ZMYND8: variants seen among roughly 807,000 people sequenced by gnomAD.
ZMYND8 encodes zinc finger MYND-type containing 8, also known as MYND-type zinc finger-containing chromatin reader ZMYND8.
Under a neutral mutation model 140.8 loss-of-function variants are expected in ZMYND8, and 37 were observed. That is an observed-to-expected ratio of 0.26 (90% CI 0.20 to 0.35). The LOEUF is 0.35. Among genes scored for constraint, ZMYND8 ranks in the 10% least tolerant of loss-of-function variants. ZMYND8 has a pLI of 1.00. For synonymous variants in ZMYND8, 592 were observed against 597.1 expected (o/e 0.99, Z 0.12); for missense variants, 1,068 against 1,570.0 (o/e 0.68, Z 5.40).
chr20:47,213,600 T>C (rs1328590282), intron 21 of ZMYND8, among the ~76,000 whole-genome samples: 1 of 152,074 alleles, frequency 6.6e-6, no homozygotes, highest in Non-Finnish European at 1.5e-5. Context: ...ACAGGACAGG[T>C]GGGAAGCCTG....
intron 2 of ZMYND8, among the ~76,000 whole-genome samples, chr20:47,334,835 C>T (rs939961105): frequency 2.6e-5 from 4 of 151,840 alleles, no homozygotes; most frequent in Non-Finnish European, 4.4e-5. Context: ...GGTCGGAACT[C>T]CTGACCTCAG....
rs144734088 is a variant in ZMYND8, at chr20:47,246,231, G to A, written c.2061C>T (p.Ala687=). The stretch of plus-strand genomic sequence containing the variant: ...AAAAGTCCTTCTCAGGCTCAGGGCT[G>A]GCCTTGTCCTTGACTGCTCCAGGGT... ...KADPGAVKDK[A]SPEPEKDFSE... The change falls in exon 14 of 23, where the codon GCC becomes GCT. Residue 687 remains alanine (A), a synonymous_variant. Coordinates refer to ENST00000471951, the MANE Select transcript of ZMYND8 (RefSeq NM_001281775.3). The A allele has an allele frequency of 8.1e-6, 13 of 1,614,056 alleles. No homozygotes were observed. In the African/African-American group the frequency reaches 1.6e-4, roughly 20 times the overall value.
chr20:47,301,994 G>A (rs1407522669), intron 3 of ZMYND8, among the ~76,000 whole-genome samples: 1 of 81,816 alleles, frequency 1.2e-5, no homozygotes, highest in Non-Finnish European at 2.2e-5. Flanking sequence ...TCTCCTCGAA[G>A]CAGCCATGTG....
At chr20:47,238,510 CT>C in intron 15 of ZMYND8, 2 of 629,770 alleles carry the variant, frequency 3.2e-6, no homozygotes, top group South Asian at 1.9e-5. Context: ...TTTCTGCCCC[CT>C]TTTTAAGGAG....
At chr20:47,353,658 T>A (rs141088331) in intron 1 of ZMYND8, 2 of 152,358 alleles carry the variant, frequency 1.3e-5, no homozygotes, top group African/African-American at 4.8e-5. Context: ...CTTCAGTGTG[T>A]CTGTGTTTGC....
intron 6 of ZMYND8, among the ~76,000 whole-genome samples, chr20:47,290,614 G>T (rs2077200058): frequency 1.6e-5 from 2 of 124,342 alleles, no homozygotes; most frequent in African/African-American, 3.0e-5. Flanking sequence ...TTTTGGAGGT[G>T]GAGTTTTGCT....
At position 47,249,374 on chromosome 20, in the gene ZMYND8, C is replaced by G. The variant is rs77137073; in HGVS notation, c.1687G>C (p.Val563Leu). ...SESVQQQSTP[V>L]PLISPKRQIR... ...TGGCGCTTGGGAGAGATGAGAGGAA[C>G]AGGGGTGGACTGTTGCTGGACCGAC... The change falls in exon 13 of 23, where the codon GTT becomes CTT. Residue 563 changes from valine (V) to leucine (L), a missense_variant. Coordinates refer to ENST00000471951, the MANE Select transcript of ZMYND8 (RefSeq NM_001281775.3). 0.012 allele frequency: 18,956 copies of G among 1,614,132 alleles called. 181 individuals carry two copies. Among genetic ancestry groups the G allele is most frequent in the Middle Eastern group, 0.035 (213 of 6,062 alleles).
intron 1 of ZMYND8, among the ~76,000 whole-genome samples, chr20:47,351,457 C>G (rs2082774962): frequency 6.6e-6 from 1 of 152,170 alleles, no homozygotes; most frequent in African/African-American, 2.4e-5. Flanking sequence ...AGATGAGGAT[C>G]ATCGCACAGC....
intron 3 of ZMYND8, among the ~76,000 whole-genome samples, chr20:47,309,041 T>C (rs6012153): frequency 0.015 from 2,277 of 152,296 alleles, 65 homozygotes; most frequent in South Asian, 0.061. Flanking sequence ...GGGGGATAGA[T>C]ACAATCCACC....
intron 21 of ZMYND8, among the ~76,000 whole-genome samples, chr20:47,216,757 A>G (rs2036187357): frequency 6.6e-6 from 1 of 152,214 alleles, no homozygotes; most frequent in Non-Finnish European, 1.5e-5. Context: ...CAGTGAGCCG[A>G]GATCATGCCA....
intron 17 of ZMYND8, among the ~76,000 whole-genome samples, chr20:47,229,133 C>T (rs2038124418): frequency 6.6e-6 from 1 of 151,214 alleles, no homozygotes; most frequent in Admixed American, 6.6e-5. Context: ...AGGAACACAC[C>T]ACCATCTCCT....
chr20:47,282,772 T>A (rs988638671), intron 9 of ZMYND8, among the ~76,000 whole-genome samples: 3 of 151,732 alleles, frequency 2.0e-5, no homozygotes, highest in Non-Finnish European at 4.4e-5. Context: ...AGGGTTGGAT[T>A]CTAGCTGTAC....
Position 47,293,946 on chromosome 20 carries a change from C to A in ZMYND8, c.567+720G>T, listed in dbSNP as rs190621154. 2.1e-4 allele frequency among the ~76,000 whole-genome samples: 32 copies of A among 152,216 alleles called. No individual in the cohort carries two copies. In the East Asian group the frequency reaches 5.4e-3, roughly 26 times the overall value. The stretch of plus-strand genomic sequence containing the variant: ...TTAAAAGTGTTTGGCACTTCCCACC[C>A]CCCTTCTCCTGCTGCCATGTAAAAC... On this transcript the variant is annotated intron_variant, in intron 5 of 22. Coordinates refer to ENST00000471951, the MANE Select transcript of ZMYND8 (RefSeq NM_001281775.3).
chr20:47,326,672 C>T (rs1439300033), intron 2 of ZMYND8, among the ~76,000 whole-genome samples: 1 of 152,126 alleles, frequency 6.6e-6, no homozygotes, highest in African/African-American at 2.4e-5. Flanking sequence ...AAGCAGGGAT[C>T]AGATACAGGT....
At chr20:47,310,336 T>C in intron 2 of ZMYND8, 132 bp from the exon 3 acceptor site, 1 of 1,037,824 alleles carries the variant, frequency 9.6e-7, no homozygotes, top group Non-Finnish European at 1.4e-6. Flanking sequence ...CACTTCAGTG[T>C]TCCTCCTCCC....
intron 12 of ZMYND8, among the ~76,000 whole-genome samples, chr20:47,260,990 G>A (rs1409548851): frequency 6.6e-6 from 1 of 152,172 alleles, no homozygotes; most frequent in Non-Finnish European, 1.5e-5. Flanking sequence ...GGGAGGCTGA[G>A]GCAGGCAGAT....
intron 2 of ZMYND8, among the ~76,000 whole-genome samples, chr20:47,321,027 G>C (rs1477529529): frequency 6.6e-6 from 1 of 152,192 alleles, no homozygotes; most frequent in African/African-American, 2.4e-5. Context: ...TGAGGCTTCT[G>C]GGTTTGCAGA....
intron 2 of ZMYND8, chr20:47,320,401 A>G (rs2148344011): frequency 6.6e-6 from 1 of 152,472 alleles, no homozygotes; most frequent in African/African-American, 2.4e-5. Flanking sequence ...CATGTCACCC[A>G]AATTACCCTG....
chr20:47,268,215 G>A lies in ZMYND8; in HGVS notation c.1481-5787C>T, dbSNP rs372921588. On this transcript the variant is annotated intron_variant, in intron 11 of 22. Transcript: ENST00000471951. ...TGAGTCTCGACTGGTCCAACACTTC[G>A]GGAGGCGGAGGCAGATGCATCACTT... Among the ~76,000 whole-genome samples, 29 of 151,994 alleles carry A rather than the reference G, an allele frequency of 1.9e-4. No homozygotes were observed. The East Asian group carries it at 3.3e-3, about 17-fold the overall frequency.
Sources: allele counts gnomAD v4.1 joint callset (sites outside exome capture counted in the v4.1 genomes callset), GRCh38; gene constraint gnomAD v4.1.1; transcripts MANE v1.5; gene names NCBI Gene and HGNC (gene_info 2026-07-23, HGNC 2026-07-21).